MYH14: variants seen among roughly 807,000 people sequenced by gnomAD.
MYH14 encodes the protein myosin-14.
In MYH14, 123 loss-of-function variants were observed where a neutral mutation model predicts 255.5. That is an observed-to-expected ratio of 0.48 (90% CI 0.42 to 0.56). MYH14 has a LOEUF of 0.56. MYH14 is among the 20% of genes least tolerant of loss of function. MYH14 has a pLI of 0.00. For synonymous variants in MYH14, 1,095 were observed against 1,161.2 expected (o/e 0.94, Z 1.16); for missense variants, 2,423 against 2,802.3 (o/e 0.86, Z 3.06).
intron 16 of MYH14, among the ~76,000 whole-genome samples, chr19:50,254,290 A>AGCAAAAC (rs2034511487): frequency 1.3e-5 from 2 of 152,128 alleles, no homozygotes; most frequent in Non-Finnish European, 2.9e-5. Context: ...ACACTCACAG[A>AGCAAAAC]GCAAAACAGC....
intron 41 of MYH14, among the ~76,000 whole-genome samples, chr19:50,307,688 T>A (rs954842093): frequency 6.6e-6 from 1 of 152,230 alleles, no homozygotes; most frequent in Non-Finnish European, 1.5e-5. Flanking sequence ...TACTGTGTCA[T>A]AAGCAACTGC....
chr19:50,296,287 A>T (rs971571432), intron 39 of MYH14, among the ~76,000 whole-genome samples: 1 of 151,948 alleles, frequency 6.6e-6, no homozygotes, highest in African/African-American at 2.4e-5. Flanking sequence ...CCACGTTGTG[A>T]TCTGGAAATG....
intron 39 of MYH14, among the ~76,000 whole-genome samples, chr19:50,301,307 C>T (rs970673181): frequency 1.3e-5 from 2 of 152,166 alleles, no homozygotes; most frequent in African/African-American, 4.8e-5. Flanking sequence ...CAAGCTCCCC[C>T]AGATGATCCT....
chr19:50,225,209 C>T (rs533783182), intron 6 of MYH14, among the ~76,000 whole-genome samples: 46 of 152,284 alleles, frequency 3.0e-4, no homozygotes, highest in Non-Finnish European at 5.4e-4. Flanking sequence ...GGTGTGCATC[C>T]TTGCAGACCT....
At chr19:50,268,710 A>C (rs1278016537) in intron 24 of MYH14, among the ~76,000 whole-genome samples, 2 of 152,180 alleles carry the variant, frequency 1.3e-5, no homozygotes, top group Non-Finnish European at 2.9e-5. Context: ...CGCCTAAGTG[A>C]TGTCCTCAGC....
intron 11 of MYH14, among the ~76,000 whole-genome samples, chr19:50,245,961 TCC>T: frequency 1.5e-5 from 1 of 65,890 alleles, no homozygotes; most frequent in East Asian, 5.3e-4. Context: ...CCTCCCTCCC[TCC>T]TTCCCTCCCT....
At chr19:50,288,845 A>G (rs1401946367) in intron 34 of MYH14, among the ~76,000 whole-genome samples, 1 of 152,152 alleles carries the variant, frequency 6.6e-6, no homozygotes, top group Non-Finnish European at 1.5e-5. Context: ...TGAGGAGGTG[A>G]CAGTTAAGTA....
At chr19:50,287,110 T>C (rs2035916807) in intron 34 of MYH14, among the ~76,000 whole-genome samples, 1 of 151,728 alleles carries the variant, frequency 6.6e-6, no homozygotes, top group Non-Finnish European at 1.5e-5. Context: ...AGAGCGAGAC[T>C]GTCTCAAAAA....
chr19:50,272,545 C>T lies in MYH14; in HGVS notation c.3296-15C>T, dbSNP rs1199455493. 2 of 1,558,628 alleles carry T rather than the reference C, an allele frequency of 1.3e-6. No homozygotes were observed. Among genetic ancestry groups the T allele is most frequent in the South Asian group, 1.2e-5 (1 of 84,452 alleles). On this transcript the variant is annotated splice_polypyrimidine_tract_variant and intron_variant, in intron 26 of 42. Transcript: ENST00000642316. ...GCCTGGAGTCCTCATGCACGGCCCC[C>T]ACCCCTGCCTCCAGACCGCCTACGG...
intron 22 of MYH14, among the ~76,000 whole-genome samples, chr19:50,264,446 T>G (rs2035008833): frequency 6.6e-6 from 1 of 152,180 alleles, no homozygotes; most frequent in South Asian, 2.1e-4. Context: ...GACACTCTTA[T>G]CAGATGGGAC....
At chr19:50,218,892 C>T (rs962166100) in intron 3 of MYH14, among the ~76,000 whole-genome samples, 1 of 151,798 alleles carries the variant, frequency 6.6e-6, no homozygotes. Flanking sequence ...ACCTCACTTA[C>T]AATAATGGTC....
chr19:50,209,299 C>G (rs1301143089), intron 1 of MYH14, among the ~76,000 whole-genome samples: 1 of 152,166 alleles, frequency 6.6e-6, no homozygotes, highest in Non-Finnish European at 1.5e-5. Flanking sequence ...AGAAAGTAAA[C>G]TTTTGGAGGC....
chr19:50,284,098 A>AC (rs886791840), intron 33 of MYH14, among the ~76,000 whole-genome samples: 6 of 151,888 alleles, frequency 4.0e-5, no homozygotes, highest in African/African-American at 9.7e-5. Flanking sequence ...AAAACAAAAA[A>AC]AAAACAAAAA....
chr19:50,274,891 A>C (rs1428203254), intron 27 of MYH14, among the ~76,000 whole-genome samples: 2 of 150,472 alleles, frequency 1.3e-5, no homozygotes, highest in Non-Finnish European at 3.0e-5. Flanking sequence ...TGATTGTGCC[A>C]CTGCACTCTG....
intron 22 of MYH14, 121 bp downstream of exon 22, chr19:50,263,541 A>C (rs2034968096): frequency 1.7e-6 from 1 of 575,058 alleles, no homozygotes; most frequent in African/African-American, 1.9e-5. Flanking sequence ...AAATGGGGCC[A>C]GTCGGCCCAG....
At position 50,247,058 on chromosome 19, in the gene MYH14, C is replaced by T. The variant is rs372324948; in HGVS notation, c.1265C>T (p.Ala422Val). 9.3e-6 allele frequency: 15 copies of T among 1,613,510 alleles called. No individual in the cohort carries two copies. The highest frequency in any genetic ancestry group is 1.2e-5 in the Non-Finnish European group (14 of 1,179,760). The change falls in exon 12 of 43, where the codon GCC becomes GTC. Residue 422 changes from alanine (A) to valine (V), a missense_variant. Coordinates refer to ENST00000642316, the MANE Select transcript of MYH14 (RefSeq NM_001145809.2). ...CTGGGGGTGACGGATTTCTCCCGAGCCTTGCTCACCCCTCGCATCAAAGTT... is the reference window on the plus strand; with the variant it reads ...CTGGGGGTGACGGATTTCTCCCGAGTCTTGCTCACCCCTCGCATCAAAGTT... ...LGLGVTDFSR[A>V]LLTPRIKVGR... is the part of the protein sequence containing the mutation.
At chr19:50,256,819 GGTTAT>G (rs1285270006) in intron 17 of MYH14, among the ~76,000 whole-genome samples, 6 of 142,852 alleles carry the variant, frequency 4.2e-5, no homozygotes, top group South Asian at 2.3e-4. Context: ...CAACTGCAGT[GGTTAT>G]GTTATCACTG....
intron 33 of MYH14, among the ~76,000 whole-genome samples, chr19:50,282,530 C>T (rs555543001): frequency 1.3e-5 from 2 of 152,208 alleles, no homozygotes; most frequent in African/African-American, 2.4e-5. Flanking sequence ...GGTGAAACCC[C>T]GTCTCTACTA....
intron 30 of MYH14, among the ~76,000 whole-genome samples, chr19:50,278,830 A>C (rs1216975580): frequency 6.5e-5 from 9 of 139,004 alleles, no homozygotes; most frequent in South Asian, 2.3e-4. Flanking sequence ...AAAAAAAAAA[A>C]ACACAAAATT....
Sources: allele counts gnomAD v4.1 joint callset (sites outside exome capture counted in the v4.1 genomes callset), GRCh38; gene constraint gnomAD v4.1.1; transcripts MANE v1.5; gene names NCBI Gene and HGNC (gene_info 2026-07-23, HGNC 2026-07-21).